The following ABCG1 variants were observed in gnomAD, a reference collection of about 807,000 sequenced individuals.
The protein encoded by ABCG1 is ATP-binding cassette sub-family G member 1.
ABCG1 carries 29 observed loss-of-function variants against 69.2 expected under a neutral mutation model. That is an observed-to-expected ratio of 0.42 (90% CI 0.31 to 0.57). The LOEUF is 0.57. Among genes scored for constraint, ABCG1 ranks in the 20% least tolerant of loss-of-function variants. The probability of loss-of-function intolerance (pLI) is 0.15; values close to 1 mark genes in which losing one functional copy is unlikely to be tolerated. For missense variants in ABCG1, 718 were observed against 898.1 expected (o/e 0.80, Z 2.56); for synonymous variants, 370 against 374.8 (o/e 0.99, Z 0.15).
At chr21:42,222,775 C>T (rs1225989327) in intron 1 of ABCG1, among the ~76,000 whole-genome samples, 3 of 152,180 alleles carry the variant, frequency 2.0e-5, no homozygotes, top group African/African-American at 7.2e-5. Flanking sequence ...TCAATAAACA[C>T]TATTGTTTAT....
At chr21:42,251,001 G>A (rs1302392379) in intron 2 of ABCG1, among the ~76,000 whole-genome samples, 1 of 151,868 alleles carries the variant, frequency 6.6e-6, no homozygotes, top group African/African-American at 2.4e-5. Flanking sequence ...CAACAGAAAC[G>A]AACACAGGGA....
intron 2 of ABCG1, chr21:42,259,365 A>G (rs1406940802): frequency 1.3e-6 from 2 of 1,550,382 alleles, no homozygotes; most frequent in South Asian, 2.4e-5. Flanking sequence ...TAAACTGGAG[A>G]GCTCAGTGTT....
Position 42,273,336 on chromosome 21 carries a change from C to G in ABCG1, c.438C>G (p.Asn146Lys). The G allele has an allele frequency of 6.2e-7, 1 of 1,613,662 alleles. No homozygotes were observed. Among genetic ancestry groups the G allele is most frequent in the Non-Finnish European group, 8.5e-7 (1 of 1,179,916 alleles). ...ETGMKGAVLI[N>K]GLPRDLRCFR... is the part of the protein sequence containing the mutation. ...GCATGAAGGGGGCCGTCCTCATCAA[C>G]GGCCTGCCCCGGGACCTGCGCTGCT... Residue 146 changes from asparagine to lysine, a missense_variant, in exon 4 of 15, where the codon AAC becomes AAG. Asn to Lys is a moderately conservative substitution (Grantham distance 94). Coordinates refer to ENST00000398449, the MANE Select transcript of ABCG1 (RefSeq NM_016818.3). This position sits in a 1 kb window ranked among gnomAD's most constrained non-coding sequence, Gnocchi z 5.3.
At chr21:42,233,403 G>T (rs976122710) in intron 2 of ABCG1, among the ~76,000 whole-genome samples, 1 of 152,206 alleles carries the variant, frequency 6.6e-6, no homozygotes, top group Non-Finnish European at 1.5e-5. Context: ...GGGACAGCCA[G>T]CTTCTGTCTG....
At chr21:42,293,115 C>T (rs1245220146) in intron 13 of ABCG1, among the ~76,000 whole-genome samples, 1 of 142,542 alleles carries the variant, frequency 7.0e-6, no homozygotes, top group East Asian at 2.2e-4. Context: ...ACACACCACA[C>T]ACTACACACA....
chr21:42,267,637 G>C (rs111213058), intron 2 of ABCG1, among the ~76,000 whole-genome samples: 76,071 of 123,904 alleles, frequency 0.61, 21,652 homozygotes, highest in African/African-American at 0.74. Context: ...GTCTGGGTGT[G>C]GTCTGGGTTC....
intron 2 of ABCG1, among the ~76,000 whole-genome samples, chr21:42,241,374 G>T (rs1176612731): frequency 1.3e-5 from 2 of 152,178 alleles, no homozygotes; most frequent in African/African-American, 4.8e-5. Context: ...GGAGGCTGAG[G>T]CGGGTGAATT....
At chr21:42,254,078 T>TG (rs2068264796) in intron 2 of ABCG1, among the ~76,000 whole-genome samples, 1 of 152,042 alleles carries the variant, frequency 6.6e-6, no homozygotes, top group Non-Finnish European at 1.5e-5. Context: ...GGAAAGGGAC[T>TG]GGGGGCAGTG....
chr21:42,295,086 T>G, intron 14 of ABCG1: 1 of 170,956 alleles, frequency 5.8e-6, no homozygotes, highest in East Asian at 1.6e-4. Flanking sequence ...TTTGGGAGGC[T>G]GAGGCAGGCA....
intron 2 of ABCG1, among the ~76,000 whole-genome samples, chr21:42,234,634 C>T (rs1477027312): frequency 4.6e-5 from 7 of 152,232 alleles, no homozygotes; most frequent in Admixed American, 4.6e-4. Flanking sequence ...GAAGGCCGGG[C>T]TCTGCCCACT....
Position 42,225,868 on chromosome 21 carries a change from G to A in ABCG1, c.240G>A (p.Arg80=), listed in dbSNP as rs1169889773. 4 of 1,613,816 alleles carry A rather than the reference G, an allele frequency of 2.5e-6. No homozygotes were observed. The highest frequency in any genetic ancestry group is 3.4e-6 in the Non-Finnish European group (4 of 1,180,006). Reference sequence around the variant, plus strand: ...GGGCAGCTGTGAACATTGAATTCAGGGACCTTTCCTATTCGGTTCCTGAAG... The same window carrying A: ...GGGCAGCTGTGAACATTGAATTCAGAGACCTTTCCTATTCGGTTCCTGAAG... ...PRRAAVNIEF[R]DLSYSVPEGP... Residue 80 remains arginine, a synonymous_variant, in exon 2 of 15, where the codon AGG becomes AGA. Coordinates refer to ENST00000398449, the MANE Select transcript of ABCG1 (RefSeq NM_016818.3).
At position 42,279,318 on chromosome 21, in the gene ABCG1, G is replaced by C. The variant is rs115252821; in HGVS notation, c.588+2373G>C. 2.7e-3 allele frequency among the ~76,000 whole-genome samples: 405 copies of C among 152,318 alleles called. 1 individual carries two copies. The highest frequency in any genetic ancestry group is 9.2e-3 in the African/African-American group (384 of 41,570). ...TGACCCAAAATAAGGCCCAAGGACA[G>C]AGCAAACGGTGGAGAGGGTCTCGGG... On this transcript the variant is annotated intron_variant, in intron 5 of 14. Transcript: ENST00000398449.
At chr21:42,285,134 GA>G (rs1555962400) in intron 7 of ABCG1, among the ~76,000 whole-genome samples, 1 of 152,164 alleles carries the variant, frequency 6.6e-6, no homozygotes, top group Non-Finnish European at 1.5e-5. Flanking sequence ...AAAATGGGGG[GA>G]GGGGGGACAC....
intron 2 of ABCG1, among the ~76,000 whole-genome samples, chr21:42,248,426 G>T (rs1219234717): frequency 2.0e-5 from 3 of 152,158 alleles, no homozygotes; most frequent in African/African-American, 7.2e-5. Flanking sequence ...CACCCGTGGG[G>T]GGTGCAGGGC....
intron 2 of ABCG1, among the ~76,000 whole-genome samples, chr21:42,254,554 C>T (rs1001549610): frequency 6.6e-6 from 1 of 152,204 alleles, no homozygotes; most frequent in Non-Finnish European, 1.5e-5. Context: ...TTCTTGTTGG[C>T]ACAAAAGCCC....
chr21:42,213,019 G>A (rs1173694175), upstream of ABCG1, among the ~76,000 whole-genome samples: 1 of 152,216 alleles, frequency 6.6e-6, no homozygotes, highest in African/African-American at 2.4e-5. Flanking sequence ...AGTCAAAAAG[G>A]AGGCAGAACT....
intron 1 of ABCG1, among the ~76,000 whole-genome samples, chr21:42,221,988 A>G (rs1300411485): frequency 6.6e-6 from 1 of 152,166 alleles, no homozygotes; most frequent in Non-Finnish European, 1.5e-5. Flanking sequence ...ATTCCCATGA[A>G]CAGCAGCCAG....
intron 2 of ABCG1, 49 bp downstream of exon 2, chr21:42,225,963 G>A (rs752090653): frequency 4.4e-6 from 7 of 1,587,978 alleles, no homozygotes; most frequent in Non-Finnish European, 6.0e-6. Flanking sequence ...AGCCTCTGAA[G>A]GAGGCAACAG....
intron 6 of ABCG1, among the ~76,000 whole-genome samples, chr21:42,282,790 C>A (rs1276568493): frequency 6.6e-6 from 1 of 152,242 alleles, no homozygotes; most frequent in African/African-American, 2.4e-5. Flanking sequence ...AAACGCCCTG[C>A]AGTTTAGCAC....
Sources: allele counts gnomAD v4.1 joint callset (sites outside exome capture counted in the v4.1 genomes callset), GRCh38; gene constraint gnomAD v4.1.1; non-coding constraint Gnocchi (gnomAD v3.1); transcripts MANE v1.5; gene names NCBI Gene and HGNC (gene_info 2026-07-23, HGNC 2026-07-21).